TASP1: variants seen among roughly 807,000 people sequenced by gnomAD.
TASP1 encodes threonine aspartase 1.
A neutral mutation model predicts 56.6 loss-of-function variants in TASP1; 16 were observed. The ratio of observed to expected loss-of-function variants is 0.28; its 90% CI spans 0.19 to 0.43. The LOEUF (loss-of-function observed/expected upper bound fraction) is 0.43, where lower values mean the gene tolerates loss of function less well. Ranked by LOEUF, TASP1 falls within the 20% of genes least tolerant of loss-of-function variation. The probability of loss-of-function intolerance (pLI) is 1.00; values close to 1 mark genes in which losing one functional copy is unlikely to be tolerated. For synonymous variants in TASP1, 179 were observed against 184.2 expected, an observed-to-expected ratio of 0.97 and a Z score of 0.23; for missense variants, 393 against 511.6, an observed-to-expected ratio of 0.77 and a Z score of 2.24.
At chr20:13,194,625 G>A in the TASP1 span, among the ~76,000 whole-genome samples, 214 of 151,242 alleles carry the variant, frequency 1.4e-3, 1 homozygote, top group African/African-American at 5.0e-3. Context: ...ATCTATATCA[G>A]TTTCACCCTA....
At chr20:13,214,652 C>A in the TASP1 span, among the ~76,000 whole-genome samples, 1 of 151,600 alleles carries the variant, frequency 6.6e-6, no homozygotes, top group East Asian at 1.9e-4. Flanking sequence ...CTTATTGAAA[C>A]CTAACCACAG....
At chr20:13,542,057 A>AC (rs975712429) in intron 8 of TASP1, among the ~76,000 whole-genome samples, 5 of 151,986 alleles carry the variant, frequency 3.3e-5, no homozygotes, top group African/African-American at 1.2e-4. Context: ...AAAAAAAAAA[A>AC]AAAAACTTAA....
intron 7 of TASP1, among the ~76,000 whole-genome samples, chr20:13,567,183 C>T (rs6134913): frequency 0.2 from 30,404 of 151,714 alleles, 3,288 homozygotes; most frequent in Middle Eastern, 0.28. Flanking sequence ...ACAAAAAATA[C>T]CGCATGCTCT....
chr20:13,191,093 T>C, the TASP1 span, among the ~76,000 whole-genome samples: 1 of 152,080 alleles, frequency 6.6e-6, no homozygotes, highest in South Asian at 2.1e-4. Flanking sequence ...AAATAACAAA[T>C]GCTTGCAAGG....
the TASP1 span, among the ~76,000 whole-genome samples, chr20:13,147,386 C>T: frequency 6.6e-6 from 1 of 152,194 alleles, no homozygotes; most frequent in South Asian, 2.1e-4. Flanking sequence ...TGATCTTTAC[C>T]GAGATCTCTC....
At chr20:13,137,458 T>C in the TASP1 span, among the ~76,000 whole-genome samples, 1 of 152,100 alleles carries the variant, frequency 6.6e-6, no homozygotes, top group South Asian at 2.1e-4. Context: ...TCATATTTGG[T>C]TAAATTATGG....
At chr20:13,466,967 A>G in intron 11 of TASP1, among the ~76,000 whole-genome samples, 1 of 152,128 alleles carries the variant, frequency 6.6e-6, no homozygotes, top group Non-Finnish European at 1.5e-5. Flanking sequence ...TTAAGCCACA[A>G]AAATGACTTC....
At chr20:13,606,141 G>A (rs1188628912) in intron 4 of TASP1, among the ~76,000 whole-genome samples, 2 of 151,400 alleles carry the variant, frequency 1.3e-5, no homozygotes, top group African/African-American at 4.9e-5. Flanking sequence ...GCGTGCGTGT[G>A]TGTGTGTGTG....
chr20:13,519,513 A>T lies in TASP1; in HGVS notation c.874+8920T>A, dbSNP rs536252307. The stretch of plus-strand genomic sequence containing the variant: ...ATCCAGCATATAAACAGAACCAATG[A>T]CAAAAACCATATGATTATCCCAACA... On this transcript the variant is annotated intron_variant, in intron 10 of 13. Coordinates refer to ENST00000337743, the MANE Select transcript of TASP1 (RefSeq NM_017714.3). Among the ~76,000 whole-genome samples the T allele has an allele frequency of 4.4e-4, 67 of 152,334 alleles. 2 individuals are homozygous for T. In the South Asian group the frequency reaches 0.014, roughly 32 times the overall value.
chr20:13,285,149 GGCATGTTGGCA>G, the TASP1 span, among the ~76,000 whole-genome samples: 4 of 152,090 alleles, frequency 2.6e-5, no homozygotes, highest in African/African-American at 9.7e-5. Context: ...ACTTTGGCCA[GGCATGTTGGCA>G]CATGCCTGTA....
At chr20:13,116,488 G>A in the TASP1 span, among the ~76,000 whole-genome samples, 1 of 152,242 alleles carries the variant, frequency 6.6e-6, no homozygotes, top group Admixed American at 6.5e-5. Flanking sequence ...TCCCAGAGGT[G>A]CCATGTAAAT....
chr20:13,362,463 AG>A, the TASP1 span, among the ~76,000 whole-genome samples: 1 of 142,026 alleles, frequency 7.0e-6, no homozygotes, highest in Non-Finnish European at 1.5e-5. Flanking sequence ...TGGCTCAAAA[AG>A]CTCCCCCACT....
the TASP1 span, among the ~76,000 whole-genome samples, chr20:13,108,852 T>C: frequency 6.6e-6 from 1 of 152,182 alleles, no homozygotes; most frequent in Non-Finnish European, 1.5e-5. Context: ...TAAATGGTGT[T>C]TCTAATGCCT....
chr20:13,636,626 A>G (rs571560898), intron 1 of TASP1, among the ~76,000 whole-genome samples: 3 of 152,238 alleles, frequency 2.0e-5, no homozygotes, highest in Non-Finnish European at 4.4e-5. Context: ...TACCATGTTT[A>G]ACACAGGATA....
intron 5 of TASP1, among the ~76,000 whole-genome samples, chr20:13,586,042 G>T (rs1040179027): frequency 1.4e-4 from 22 of 151,954 alleles, no homozygotes; most frequent in African/African-American, 5.3e-4. Flanking sequence ...GGCTGAGGCA[G>T]AAGAATCAAT....
At chr20:13,490,116 T>A (rs1181228413) in intron 10 of TASP1, among the ~76,000 whole-genome samples, 1 of 152,178 alleles carries the variant, frequency 6.6e-6, no homozygotes, top group Non-Finnish European at 1.5e-5. Flanking sequence ...ATTTATCAGA[T>A]GCCATTAGCA....
chr20:13,413,982 A>G (rs185111760), intron 13 of TASP1, among the ~76,000 whole-genome samples: 25 of 152,324 alleles, frequency 1.6e-4, no homozygotes, highest in Non-Finnish European at 2.8e-4. Context: ...ACAGTAATCA[A>G]CTTCAGTAAG....
the TASP1 span, among the ~76,000 whole-genome samples, chr20:13,204,792 A>G: frequency 1.3e-5 from 2 of 152,180 alleles, no homozygotes; most frequent in South Asian, 4.1e-4. Context: ...GGGCCAAGAT[A>G]TATTTTGTAA....
chr20:13,157,417 A>G, the TASP1 span, among the ~76,000 whole-genome samples: 9 of 152,126 alleles, frequency 5.9e-5, no homozygotes, highest in Admixed American at 2.0e-4. Flanking sequence ...AGCCTGGGCA[A>G]CAAGAGTGAA....
Sources: allele counts gnomAD v4.1 joint callset (sites outside exome capture counted in the v4.1 genomes callset), GRCh38; gene constraint gnomAD v4.1.1; transcripts MANE v1.5; gene names NCBI Gene and HGNC (gene_info 2026-07-23, HGNC 2026-07-21).